PRKCA: variants seen among roughly 807,000 people sequenced by gnomAD.
The protein encoded by PRKCA is protein kinase C alpha.
A neutral mutation model predicts 87.0 loss-of-function variants in PRKCA; 27 were observed. The observed-to-expected ratio is 0.31, with a 90% CI of 0.23 to 0.43. PRKCA has a LOEUF of 0.43. Among genes scored for constraint, PRKCA ranks in the 20% least tolerant of loss-of-function variants. The pLI is 1.00. For synonymous variants in PRKCA, 329 were observed against 311.1 expected (o/e 1.06, Z -0.61); for missense variants, 518 against 852.3 (o/e 0.61, Z 4.88).
rs778507190 is a variant in PRKCA at position 66,671,209 on chromosome 17, C to CAAAAAAA, written c.530-15884_530-15878dup. On this transcript the variant is annotated intron_variant, in intron 5 of 16. Transcript: ENST00000413366. ...CCAGGAGACAGTGGGAGACTCATCT[C>CAAAAAAA]AAAAAAAAAAAAAAAAAAAAAAAAG... Among the ~76,000 whole-genome samples, 40 of 48,396 alleles carry CAAAAAAA rather than the reference C, an allele frequency of 8.3e-4. 2 individuals carry two copies. Among genetic ancestry groups the CAAAAAAA allele is most frequent in the East Asian group, 1.8e-3 (2 of 1,086 alleles). The allele number at this position is 48,396 out of a possible 152,430, so 31.7% of individuals were successfully genotyped here.
rs139316906 is a variant in PRKCA at position 66,436,277 on chromosome 17, G to A, written c.206-59924G>A. Among the ~76,000 whole-genome samples, 58 of 152,254 alleles carry A rather than the reference G, an allele frequency of 3.8e-4. No individual in the cohort carries two copies. In the East Asian group the frequency reaches 0.01, roughly 27 times the overall value. ...TCTTAGCACTCTTCAAGAGAGGAGA[G>A]GCAGTATGTCCCTGAAGTTTGGATT... is the stretch of plus-strand genomic sequence containing the variant. On this transcript the variant is annotated intron_variant, in intron 2 of 16. Coordinates refer to ENST00000413366, the MANE Select transcript of PRKCA (RefSeq NM_002737.3).
At chr17:66,642,193 G>C (rs983425664) in intron 4 of PRKCA, among the ~76,000 whole-genome samples, 3 of 151,668 alleles carry the variant, frequency 2.0e-5, no homozygotes. Context: ...GCAGTGGCGC[G>C]ATGTCGGCTC....
chr17:66,593,742 C>T (rs1312647132), intron 3 of PRKCA, among the ~76,000 whole-genome samples: 1 of 152,140 alleles, frequency 6.6e-6, no homozygotes, highest in Non-Finnish European at 1.5e-5. Context: ...CCAGACTCTC[C>T]CTATATTTGG....
At chr17:66,679,306 G>T (rs973107781) in intron 5 of PRKCA, among the ~76,000 whole-genome samples, 2 of 151,130 alleles carry the variant, frequency 1.3e-5, no homozygotes, top group African/African-American at 4.9e-5. Context: ...TCAGCCTCCC[G>T]AGTAGCTGTG....
At position 66,304,502 on chromosome 17, in the gene PRKCA, C is replaced by A. The variant is rs542346272; in HGVS notation, c.173+1478C>A. Among the ~76,000 whole-genome samples, 220 of 152,254 alleles carry A rather than the reference C, an allele frequency of 1.4e-3. 4 individuals carry two copies. In the South Asian group the frequency reaches 0.044, roughly 30 times the overall value. On this transcript the variant is annotated intron_variant, in intron 1 of 16. Coordinates refer to ENST00000413366, the MANE Select transcript of PRKCA (RefSeq NM_002737.3). ...TTCTTAGCTCCCTCTCCTTCTAGGC[C>A]AGGGGGAGCTGCACAGGGTGGCAGT...
At chr17:66,476,940 C>T (rs1296184554) in intron 2 of PRKCA, among the ~76,000 whole-genome samples, 1 of 152,160 alleles carries the variant, frequency 6.6e-6, no homozygotes, top group Non-Finnish European at 1.5e-5. Context: ...TCCTGTCTGT[C>T]CTTAACAATC....
chr17:66,577,292 T>G (rs1010046219), intron 3 of PRKCA, among the ~76,000 whole-genome samples: 13 of 152,192 alleles, frequency 8.5e-5, no homozygotes, highest in African/African-American at 2.9e-4. Flanking sequence ...GATGGGGATC[T>G]TTGCATCCCT....
At chr17:66,643,806 AATCCTAGATAGAG>A (rs1182427396) in intron 4 of PRKCA, among the ~76,000 whole-genome samples, 1 of 152,160 alleles carries the variant, frequency 6.6e-6, no homozygotes, top group Non-Finnish European at 1.5e-5. Context: ...GTGCAATTGC[AATCCTAGATAGAG>A]TTCCACTTGG....
At chr17:66,589,482 A>G (rs1944959794) in intron 3 of PRKCA, among the ~76,000 whole-genome samples, 1 of 152,130 alleles carries the variant, frequency 6.6e-6, no homozygotes, top group Non-Finnish European at 1.5e-5. Context: ...AGATTTTAAA[A>G]CATCTTTTTT....
chr17:66,404,124 CT>C (rs1229099950), intron 2 of PRKCA: 1 of 152,252 alleles, frequency 6.6e-6, no homozygotes, highest in African/African-American at 2.4e-5. Context: ...AATCCTCAGC[CT>C]TAGCTCCCCA....
At chr17:66,308,538 A>C (rs1441427276) in intron 2 of PRKCA, among the ~76,000 whole-genome samples, 4 of 152,180 alleles carry the variant, frequency 2.6e-5, no homozygotes, top group Non-Finnish European at 5.9e-5. Context: ...TTTGGTGAAG[A>C]ATTTAACCTC....
intron 3 of PRKCA, among the ~76,000 whole-genome samples, chr17:66,569,049 G>A (rs1246814222): frequency 1.3e-5 from 2 of 152,104 alleles, no homozygotes; most frequent in Non-Finnish European, 2.9e-5. Flanking sequence ...CAGATAGATA[G>A]TAGACCTAAT....
intron 12 of PRKCA, among the ~76,000 whole-genome samples, chr17:66,742,024 C>T (rs2144235058): frequency 6.6e-6 from 1 of 152,286 alleles, no homozygotes; most frequent in Non-Finnish European, 1.5e-5. Flanking sequence ...GCAATGGAAA[C>T]TGAATTCCTG....
chr17:66,706,129 C>CAGGTGATTCCTGAGCCCATTAAAGTTT (rs1973185024), intron 8 of PRKCA, among the ~76,000 whole-genome samples: 1 of 152,094 alleles, frequency 6.6e-6, no homozygotes, highest in Non-Finnish European at 1.5e-5. Context: ...ACAAGGTCCC[C>CAGGTGATTCCTGAGCCCATTAAAGTTT]AGGTGATTCC....
intron 2 of PRKCA, among the ~76,000 whole-genome samples, chr17:66,321,354 A>T (rs1256063172): frequency 6.6e-6 from 1 of 152,208 alleles, no homozygotes; most frequent in Non-Finnish European, 1.5e-5. Flanking sequence ...AGTTGGTCTG[A>T]AGATACTCGG....
chr17:66,587,565 A>G (rs1969634214), intron 3 of PRKCA, among the ~76,000 whole-genome samples: 2 of 151,782 alleles, frequency 1.3e-5, no homozygotes. Flanking sequence ...GCTCTTTTAA[A>G]CAGATATATA....
chr17:66,561,937 G>A (rs1231231123), intron 3 of PRKCA, among the ~76,000 whole-genome samples: 1 of 151,600 alleles, frequency 6.6e-6, no homozygotes, highest in African/African-American at 2.4e-5. Context: ...AGTTGTGGAA[G>A]ATGAAAGAGT....
intron 2 of PRKCA, among the ~76,000 whole-genome samples, chr17:66,321,507 T>C (rs895586958): frequency 1.3e-5 from 2 of 152,242 alleles, no homozygotes; most frequent in African/African-American, 4.8e-5. Flanking sequence ...TTATTGTCTT[T>C]TTTGAATAAT....
At chr17:66,735,387 G>A (rs1598906402) in intron 9 of PRKCA, 102 bp from the exon 10 acceptor site, 1 of 1,198,572 alleles carries the variant, frequency 8.3e-7, no homozygotes, top group East Asian at 2.3e-5. Flanking sequence ...ATTGACAAAG[G>A]TGCACAAACT....
Sources: allele counts gnomAD v4.1 joint callset (sites outside exome capture counted in the v4.1 genomes callset), GRCh38; gene constraint gnomAD v4.1.1; transcripts MANE v1.5; gene names NCBI Gene and HGNC (gene_info 2026-07-23, HGNC 2026-07-21).